The following RANBP3L variants were observed in gnomAD, a reference collection of about 807,000 sequenced individuals.
RANBP3L encodes the protein RAN binding protein 3 like, also known as ran-binding protein 3-like.
A neutral mutation model predicts 67.2 loss-of-function variants in RANBP3L; 56 were observed. The observed-to-expected ratio is 0.83, with a 90% CI of 0.67 to 1.04. The LOEUF (loss-of-function observed/expected upper bound fraction) is 1.04, where lower values mean the gene tolerates loss of function less well. Ranked by LOEUF, RANBP3L falls within the 50% of genes least tolerant of loss-of-function variation. The probability of loss-of-function intolerance (pLI) is 0.00; values close to 1 mark genes in which losing one functional copy is unlikely to be tolerated. For missense variants in RANBP3L, 496 were observed against 535.5 expected (o/e 0.93, Z 0.73); for synonymous variants, 164 against 181.4 (o/e 0.90, Z 0.77).
intron 12 of RANBP3L, among the ~76,000 whole-genome samples, chr5:36,252,425 G>T (rs1239778514): frequency 6.6e-6 from 1 of 152,158 alleles, no homozygotes; most frequent in South Asian, 2.1e-4. Flanking sequence ...AGTCATATTA[G>T]CTATTTAATC....
chr5:36,293,927 T>A (rs6880048), intron 1 of RANBP3L, among the ~76,000 whole-genome samples: 12 of 149,292 alleles, frequency 8.0e-5, no homozygotes, highest in Middle Eastern at 3.5e-3. Context: ...GAATGAGTTA[T>A]GGAGGATTCC....
intron 1 of RANBP3L, among the ~76,000 whole-genome samples, chr5:36,299,393 AGAGAACTTT>A (rs1168806301): frequency 2.0e-5 from 3 of 150,782 alleles, no homozygotes; most frequent in African/African-American, 7.4e-5. Flanking sequence ...CTGTCCCTCT[AGAGAACTTT>A]GATTAATACA....
In RANBP3L at chr5:36,247,874, C is replaced by T. The variant is rs1479264192; in HGVS notation, c.*1780G>A. On this transcript the variant is annotated 3_prime_UTR_variant, in exon 14 of 14. Coordinates refer to ENST00000296604, the MANE Select transcript of RANBP3L (RefSeq NM_145000.5). ...CTGCACTCCAACCTGGGTGACAGAG[C>T]GAGACTCTGTCTAAAAAACAAACAA... Among the ~76,000 whole-genome samples, 4 of 152,116 alleles carry T rather than the reference C, an allele frequency of 2.6e-5. No individual in the cohort carries two copies. The highest frequency in any genetic ancestry group is 3.9e-4 in the East Asian group (2 of 5,186).
intron 1 of RANBP3L, among the ~76,000 whole-genome samples, chr5:36,288,918 T>C (rs753227301): frequency 4.6e-5 from 7 of 152,150 alleles, no homozygotes; most frequent in Non-Finnish European, 7.4e-5. Flanking sequence ...TGGTATCTTT[T>C]GAAGAACAGA....
intron 1 of RANBP3L, among the ~76,000 whole-genome samples, chr5:36,299,380 GT>G (rs1752466193): frequency 7.0e-6 from 1 of 142,958 alleles, no homozygotes; most frequent in African/African-American, 2.8e-5. Flanking sequence ...TATCCTATTA[GT>G]TCTGTCCCTC....
rs181444770 is a variant in RANBP3L, at chr5:36,301,646, A to G, written c.-230T>C. The G allele has an allele frequency of 1.5e-3, 665 of 439,182 alleles. 4 individuals are homozygous for G. The highest frequency in any genetic ancestry group is 3.6e-3 in the African/African-American group (184 of 51,660). 27.2% of individuals were successfully genotyped at this position (439,182 alleles called of 1,614,324 possible). Reference sequence around the variant, plus strand: ...CTCCTAAATATAAAGATGCCAATTCATTTGGTTAAAAACACAACTTAATTC... The same window carrying G: ...CTCCTAAATATAAAGATGCCAATTCGTTTGGTTAAAAACACAACTTAATTC... On this transcript the variant is annotated 5_prime_UTR_variant, in exon 1 of 14. An upstream start codon of the reference 5' UTR is lost. Transcript: ENST00000296604.
chr5:36,298,114 T>A (rs931465680), intron 1 of RANBP3L, among the ~76,000 whole-genome samples: 1 of 151,332 alleles, frequency 6.6e-6, no homozygotes, highest in Non-Finnish European at 1.5e-5. Flanking sequence ...GCCTCACCAA[T>A]ATGGTGAAAC....
chr5:36,280,478 A>G (rs975694585), intron 1 of RANBP3L, among the ~76,000 whole-genome samples: 4 of 152,178 alleles, frequency 2.6e-5, no homozygotes, highest in Non-Finnish European at 5.9e-5. Flanking sequence ...TTTTAAAGTT[A>G]TTTACTTCAC....
chr5:36,297,304 G>C (rs569398797), intron 1 of RANBP3L, among the ~76,000 whole-genome samples: 1 of 145,862 alleles, frequency 6.9e-6, no homozygotes, highest in South Asian at 2.2e-4. Context: ...ATTTTGAGTA[G>C]GCTGAGGAGG....
In RANBP3L at chr5:36,249,572, C is replaced by A. The variant is rs1397000676; in HGVS notation, c.*82G>T. ...AAACTCTTCAAGGAATGAATAGAAT[C>A]TTCTCATTAGTTAGGGTGGTTTAGT... On this transcript the variant is annotated 3_prime_UTR_variant, in exon 14 of 14. Coordinates refer to ENST00000296604, the MANE Select transcript of RANBP3L (RefSeq NM_145000.5). The A allele has an allele frequency of 1.7e-6, 1 of 598,428 alleles. No individual in the cohort carries two copies. The highest frequency in any genetic ancestry group is 2.9e-6 in the Non-Finnish European group (1 of 344,248). 37.1% of individuals were successfully genotyped at this position (598,428 alleles called of 1,614,324 possible). A position where few individuals can be genotyped will look rare whatever the true frequency, so the allele number is the denominator to read the frequency against.
intron 13 of RANBP3L, among the ~76,000 whole-genome samples, chr5:36,250,187 G>C (rs1343573791): frequency 6.6e-6 from 1 of 151,962 alleles, no homozygotes; most frequent in African/African-American, 2.4e-5. Context: ...CATTGTTAAT[G>C]TGTACCAACT....
At position 36,251,504 on chromosome 5, in the gene RANBP3L, A is replaced by G. The variant is rs1478312143; in HGVS notation, c.1168-5T>C. ...TGCTGTATCTTGGGCACTGGCCTGCATGAGGAACATTAAATTGTTAAGAAA... is the reference window on the plus strand; with the variant it reads ...TGCTGTATCTTGGGCACTGGCCTGCGTGAGGAACATTAAATTGTTAAGAAA... On this transcript the variant is annotated splice_polypyrimidine_tract_variant and splice_region_variant and intron_variant, in intron 12 of 13. Coordinates refer to ENST00000296604, the MANE Select transcript of RANBP3L (RefSeq NM_145000.5). The G allele has an allele frequency of 6.3e-7, 1 of 1,575,254 alleles. No individual in the cohort carries two copies. The highest frequency in any genetic ancestry group is 2.3e-5 in the East Asian group (1 of 44,242).
At chr5:36,288,607 G>A (rs933011138) in intron 1 of RANBP3L, among the ~76,000 whole-genome samples, 2 of 152,236 alleles carry the variant, frequency 1.3e-5, no homozygotes, top group Middle Eastern at 3.4e-3. Flanking sequence ...GTGAGTTCTG[G>A]TTGTTTCACA....
chr5:36,297,585 G>T (rs1294677318), intron 1 of RANBP3L, among the ~76,000 whole-genome samples: 2 of 152,166 alleles, frequency 1.3e-5, no homozygotes, highest in Non-Finnish European at 2.9e-5. Context: ...CATAAGGAAG[G>T]TTGTCTGCCT....
Position 36,265,102 on chromosome 5 carries a change from A to G in RANBP3L, c.341-4T>C, listed in dbSNP as rs1579704391. On this transcript the variant is annotated splice_region_variant and splice_polypyrimidine_tract_variant and intron_variant, in intron 5 of 13. Coordinates refer to ENST00000296604, the MANE Select transcript of RANBP3L (RefSeq NM_145000.5). ...TGTTTAGAATGTTTCACAGGACCTT[A>G]AAAGAATAGAATTAAAGGATAAATA... The G allele has an allele frequency of 1.9e-6, 3 of 1,560,114 alleles. No individual in the cohort carries two copies.
In RANBP3L at chr5:36,255,609, A is replaced by C; in HGVS notation, c.904-19T>G. 2 of 1,582,934 alleles carry C rather than the reference A, an allele frequency of 1.3e-6. No homozygotes were observed. Among genetic ancestry groups the C allele is most frequent in the Non-Finnish European group, 1.7e-6 (2 of 1,157,136 alleles). On this transcript the variant is annotated intron_variant, in intron 10 of 13. Transcript: ENST00000296604. The stretch of plus-strand genomic sequence containing the variant: ...AGTTTATCTAAATGACAATTTTTTA[A>C]AATGTCAAATATATAGAAAATTTTT...
intron 1 of RANBP3L, among the ~76,000 whole-genome samples, chr5:36,280,307 A>C (rs1429417428): frequency 1.3e-5 from 2 of 152,198 alleles, no homozygotes; most frequent in African/African-American, 2.4e-5. Context: ...CTTGGGTTGA[A>C]GGCACTTCTC....
chr5:36,285,000 G>C (rs1041273936), intron 1 of RANBP3L, among the ~76,000 whole-genome samples: 2 of 152,166 alleles, frequency 1.3e-5, no homozygotes, highest in Non-Finnish European at 1.5e-5. Flanking sequence ...CAGTGAGCAT[G>C]AGTGAAAGCA....
chr5:36,249,747 A>G, intron 13 of RANBP3L, 50 bp from the exon 14 acceptor site: 1 of 995,534 alleles, frequency 1.0e-6, no homozygotes, highest in Non-Finnish European at 1.5e-6. Context: ...TATTTAGGGT[A>G]GATTTTTAAT....
Sources: allele counts gnomAD v4.1 joint callset (sites outside exome capture counted in the v4.1 genomes callset), GRCh38; gene constraint gnomAD v4.1.1; transcripts MANE v1.5; gene names NCBI Gene and HGNC (gene_info 2026-07-23, HGNC 2026-07-21).